The following MYT1L variants were observed in gnomAD, a reference collection of about 807,000 sequenced individuals.
MYT1L encodes myelin transcription factor 1 like, also known as myelin transcription factor 1-like protein.
MYT1L carries 12 observed loss-of-function variants against 126.7 expected under a neutral mutation model. The ratio of observed to expected loss-of-function variants is 0.09; its 90% CI spans 0.06 to 0.15. The LOEUF is 0.15. Among genes scored for constraint, MYT1L ranks in the 10% least tolerant of loss-of-function variants. The pLI, the probability that MYT1L is intolerant of heterozygous loss-of-function variation, is 1.00. For synonymous variants in MYT1L, 541 were observed against 604.2 expected (o/e 0.90, Z 1.53); for missense variants, 979 against 1,585.2 (o/e 0.62, Z 6.49).
At chr2:2,186,567 G>A (rs1386947421) in intron 2 of MYT1L, among the ~76,000 whole-genome samples, 1 of 152,174 alleles carries the variant, frequency 6.6e-6, no homozygotes, top group Non-Finnish European at 1.5e-5. Context: ...AGAGGCATTT[G>A]TAAAGTCTCC....
intron 4 of MYT1L, among the ~76,000 whole-genome samples, chr2:2,030,288 G>A (rs999313539): frequency 4.6e-5 from 7 of 151,920 alleles, no homozygotes; most frequent in South Asian, 2.1e-4. Context: ...TAATAGAGAC[G>A]GGGTTTCAAC....
At chr2:2,086,265 A>G (rs1436287681) in intron 3 of MYT1L, among the ~76,000 whole-genome samples, 1 of 152,244 alleles carries the variant, frequency 6.6e-6, no homozygotes, top group African/African-American at 2.4e-5. Context: ...ACATTGTGTC[A>G]ACGGAGCACT....
At chr2:1,991,964 A>G (rs1466379738) in intron 5 of MYT1L, among the ~76,000 whole-genome samples, 1 of 152,130 alleles carries the variant, frequency 6.6e-6, no homozygotes, top group Non-Finnish European at 1.5e-5. Context: ...TGCTCCACAA[A>G]GAAGGATTCG....
chr2:2,196,124 T>C (rs1250225647), intron 2 of MYT1L, among the ~76,000 whole-genome samples: 1 of 143,564 alleles, frequency 7.0e-6, no homozygotes, highest in African/African-American at 2.8e-5. Flanking sequence ...GGAAATCAAA[T>C]ATCAGGAAAA....
Position 1,887,228 on chromosome 2 carries a change from A to G in MYT1L, c.2642+260T>C. Reference sequence around the variant, plus strand: ...TTCCAGTTTAGCTGCAATGTCTGCAAGGGGATTTAAGCACCCTGAAGAAAA... The same window carrying G: ...TTCCAGTTTAGCTGCAATGTCTGCAGGGGGATTTAAGCACCCTGAAGAAAA... On this transcript the variant is annotated intron_variant, in intron 17 of 24. Coordinates refer to ENST00000647738, the MANE Select transcript of MYT1L (RefSeq NM_001303052.2). The surrounding 1 kb of genome is among the most constrained non-coding windows in gnomAD (Gnocchi z 4.8). 1 of 456,288 alleles carries G rather than the reference A, an allele frequency of 2.2e-6. No individual in the cohort carries two copies. Among genetic ancestry groups the G allele is most frequent in the Non-Finnish European group, 3.8e-6 (1 of 260,602 alleles). The allele number at this position is 456,288 out of a possible 1,614,324, so 28.3% of individuals were successfully genotyped here.
chr2:2,119,535 ATTTCCAT>A (rs1238257197), intron 3 of MYT1L, among the ~76,000 whole-genome samples: 1 of 152,194 alleles, frequency 6.6e-6, no homozygotes, highest in East Asian at 1.9e-4. Flanking sequence ...AAATGATCAT[ATTTCCAT>A]TTTCCATTTT....
intron 4 of MYT1L, among the ~76,000 whole-genome samples, chr2:2,004,237 GC>G (rs2062816084): frequency 1.4e-5 from 2 of 140,118 alleles, no homozygotes; most frequent in Admixed American, 1.4e-4. Context: ...GTTCTTTCCT[GC>G]AGGCGTTCTT....
intron 1 of MYT1L, among the ~76,000 whole-genome samples, chr2:2,309,335 C>A (rs1356083415): frequency 6.6e-6 from 1 of 151,756 alleles, no homozygotes; most frequent in African/African-American, 2.4e-5. Context: ...TATACTCTAT[C>A]TACACTTCAG....
intron 4 of MYT1L, among the ~76,000 whole-genome samples, chr2:2,000,203 G>A (rs1299704004): frequency 6.6e-6 from 1 of 152,076 alleles, no homozygotes. Flanking sequence ...CTGGTGCACA[G>A]AGTCCTGTCC....
intron 3 of MYT1L, among the ~76,000 whole-genome samples, chr2:2,128,083 G>A (rs145902080): frequency 3.3e-5 from 5 of 152,282 alleles, no homozygotes; most frequent in East Asian, 1.9e-4. Context: ...CTTTCCTGAC[G>A]TTAAGAAAGA....
chr2:2,090,315 C>T lies in MYT1L; in HGVS notation c.-303-36192G>A, dbSNP rs554323468. 2.6e-4 allele frequency among the ~76,000 whole-genome samples: 39 copies of T among 152,198 alleles called. No homozygotes were observed. The South Asian group carries it at 6.9e-3, about 27-fold the overall frequency. ...CCAGACCACCACAATAAAGGGAATA[C>T]GGTAATAAAGGAAGCTACACAATTT... On this transcript the variant is annotated intron_variant, in intron 3 of 24. Coordinates refer to ENST00000647738, the MANE Select transcript of MYT1L (RefSeq NM_001303052.2).
intron 21 of MYT1L, among the ~76,000 whole-genome samples, chr2:1,813,975 C>T (rs1271456714): frequency 7.4e-6 from 1 of 134,616 alleles, no homozygotes; most frequent in Non-Finnish European, 1.6e-5. Context: ...TGCAGTGAGC[C>T]GAGATCGCGC....
intron 3 of MYT1L, among the ~76,000 whole-genome samples, chr2:2,065,830 ACACACACACACACACACG>A (rs1201784015): frequency 7.2e-6 from 1 of 138,686 alleles, no homozygotes; most frequent in Non-Finnish European, 1.6e-5. Context: ...TTATACACAC[ACACACACACACACACACG>A]CACACACACA....
At chr2:1,813,205 G>A (rs111926677) in intron 21 of MYT1L, among the ~76,000 whole-genome samples, 17 of 152,208 alleles carry the variant, frequency 1.1e-4, no homozygotes, top group African/African-American at 3.9e-4. Flanking sequence ...GGGCCACAAA[G>A]GCACGCCTCC....
rs189058689 is a variant in MYT1L, at chr2:1,972,985, A to G, written c.152+6180T>C. 2.1e-3 allele frequency among the ~76,000 whole-genome samples: 324 copies of G among 152,362 alleles called. 1 individual carries two copies. Among genetic ancestry groups the G allele is most frequent in the Middle Eastern group, 3.4e-3 (1 of 294 alleles). On this transcript the variant is annotated intron_variant, in intron 8 of 24. Transcript: ENST00000647738. ...TTGAGTGTACAAAGACTCTGATGCT[A>G]AATTGCAGGGTTGGAACCCTAAGTT...
intron 16 of MYT1L, among the ~76,000 whole-genome samples, chr2:1,888,927 A>C (rs2048484226): frequency 6.6e-6 from 1 of 152,246 alleles, no homozygotes; most frequent in Admixed American, 6.5e-5. Context: ...GTATTGTTTC[A>C]ACAGGACACC....
intron 18 of MYT1L, among the ~76,000 whole-genome samples, chr2:1,865,494 T>C (rs767676786): frequency 5.3e-5 from 8 of 152,090 alleles, no homozygotes; most frequent in African/African-American, 9.7e-5. Context: ...ATCTGTAAAA[T>C]AGGAAAAATA....
At chr2:1,834,368 C>T (rs531196627) in intron 21 of MYT1L, among the ~76,000 whole-genome samples, 54 of 152,322 alleles carry the variant, frequency 3.5e-4, no homozygotes, top group Admixed American at 1.4e-3. Context: ...TATTTCTGTG[C>T]GCTTAGCTGT....
intron 4 of MYT1L, among the ~76,000 whole-genome samples, chr2:2,043,978 G>A (rs1182047021): frequency 1.3e-5 from 2 of 151,730 alleles, no homozygotes; most frequent in Non-Finnish European, 2.9e-5. Context: ...ACAGACATTT[G>A]TTTTTTGAAA....
Sources: allele counts gnomAD v4.1 joint callset (sites outside exome capture counted in the v4.1 genomes callset), GRCh38; gene constraint gnomAD v4.1.1; non-coding constraint Gnocchi (gnomAD v3.1); transcripts MANE v1.5; gene names NCBI Gene and HGNC (gene_info 2026-07-23, HGNC 2026-07-21).